Variants in TNFRSF17 observed in about 807,000 individuals in gnomAD.
The protein encoded by TNFRSF17 is TNF receptor superfamily member 17, also known as tumor necrosis factor receptor superfamily member 17.
Under a neutral mutation model 9.9 loss-of-function variants are expected in TNFRSF17, and 13 were observed. The ratio of observed to expected loss-of-function variants is 1.31; its 90% CI spans 0.85 to 2.08. TNFRSF17 has a LOEUF of 2.08. TNFRSF17 is among the 30% of genes most tolerant of loss of function. The probability of loss-of-function intolerance (pLI) is 0.00; values close to 1 mark genes in which losing one functional copy is unlikely to be tolerated. For synonymous variants in TNFRSF17, 99 were observed against 83.7 expected (o/e 1.18, Z -1.00); for missense variants, 305 against 225.8 (o/e 1.35, Z -2.25).
At chr16:11,965,488 T>C (rs747538009) in intron 1 of TNFRSF17, 34 bp downstream of exon 1, 1 of 1,610,380 alleles carries the variant, frequency 6.2e-7, no homozygotes, top group African/African-American at 1.3e-5. Flanking sequence ...TATTCATTGG[T>C]GTGAACTATT....
At position 11,965,283 on chromosome 16, in the gene TNFRSF17, A is replaced by G; in HGVS notation, c.-42A>G. ...TTGTAGAGATATTACTTGTCCTTCC[A>G]GGCTGTTCTTTCTGTAGCTCCCTTG... On this transcript the variant is annotated 5_prime_UTR_variant, in exon 1 of 3. Coordinates refer to ENST00000053243, the MANE Select transcript of TNFRSF17 (RefSeq NM_001192.3). 1 of 1,612,588 alleles carries G rather than the reference A, an allele frequency of 6.2e-7. No individual in the cohort carries two copies. The highest frequency in any genetic ancestry group is 8.5e-7 in the Non-Finnish European group (1 of 1,179,118).
chr16:11,965,444 T>C lies in TNFRSF17; in HGVS notation c.120T>C (p.Tyr40=), dbSNP rs2055185988. The stretch of plus-strand genomic sequence containing the variant: ...CTCCTCCTCTAACATGTCAGCGTTA[T>C]TGTAATGCAAGTAAGTAATATTGCT... The part of the protein sequence containing the change: ...SNTPPLTCQR[Y]CNASVTNSVK... The change falls in exon 1 of 3, where the codon TAT becomes TAC. Residue 40 remains tyrosine, a synonymous_variant. Transcript: ENST00000053243. 5 of 1,614,192 alleles carry C rather than the reference T, an allele frequency of 3.1e-6. No homozygotes were observed. Among genetic ancestry groups the C allele is most frequent in the East Asian group, 2.2e-5 (1 of 44,888 alleles).
At chr16:11,967,499 G>C in intron 2 of TNFRSF17, 71 bp from the exon 3 acceptor site, 1 of 1,476,676 alleles carries the variant, frequency 6.8e-7, no homozygotes, top group Non-Finnish European at 9.3e-7. Flanking sequence ...GTCCCGATGT[G>C]TACTGCTAAG....
chr16:11,967,690 A>C lies in TNFRSF17; in HGVS notation c.398A>C (p.Lys133Thr). 6.2e-7 allele frequency: 1 copy of C among 1,614,224 alleles called. No individual in the cohort carries two copies. Among genetic ancestry groups the C allele is most frequent in the Non-Finnish European group, 8.5e-7 (1 of 1,180,048 alleles). ...GAATGCACCTGTGAAGACTGCATCA[A>C]GAGCAAACCGAAGGTCGACTCTGAC... The part of the protein sequence containing the change: ...VEECTCEDCI[K>T]SKPKVDSDHC... Residue 133 changes from lysine to threonine, a missense_variant, in exon 3 of 3, where the codon AAG (lysine) becomes ACG (threonine). Coordinates refer to ENST00000053243, the MANE Select transcript of TNFRSF17 (RefSeq NM_001192.3).
At chr16:11,967,289 A>C (rs2055201965) in intron 2 of TNFRSF17, 2 of 373,098 alleles carry the variant, frequency 5.4e-6, no homozygotes, top group South Asian at 8.7e-5. Context: ...GGCGTGAGCC[A>C]CAGGGCCCAG....
At chr16:11,966,490 A>G in intron 2 of TNFRSF17, 149 bp downstream of exon 2, 3 of 797,184 alleles carry the variant, frequency 3.8e-6, no homozygotes, top group South Asian at 4.3e-5. Context: ...TGAACTTGGT[A>G]GAGGTGAGCC....
intron 2 of TNFRSF17, chr16:11,967,270 G>A: frequency 3.2e-6 from 1 of 312,066 alleles, no homozygotes; most frequent in Non-Finnish European, 6.0e-6. Flanking sequence ...CCAAAGTGCT[G>A]GGATTACAGG....
chr16:11,967,819 A>T lies in TNFRSF17; in HGVS notation c.527A>T (p.Glu176Val). The change falls in exon 3 of 3, where the codon GAG becomes GTG. Residue 176 changes from glutamate (E) to valine (V), a missense_variant. Coordinates refer to ENST00000053243, the MANE Select transcript of TNFRSF17 (RefSeq NM_001192.3). ...KSLPAALSAT[E>V]IEKSISAR is the part of the protein sequence containing the mutation. Reference sequence around the variant, plus strand: ...CTGCCAGCTGCTTTGAGTGCTACGGAGATAGAGAAATCAATTTCTGCTAGG... The same window carrying T: ...CTGCCAGCTGCTTTGAGTGCTACGGTGATAGAGAAATCAATTTCTGCTAGG... The T allele has an allele frequency of 6.2e-7, 1 of 1,613,982 alleles. No homozygotes were observed. Among genetic ancestry groups the T allele is most frequent in the Non-Finnish European group, 8.5e-7 (1 of 1,179,930 alleles).
intron 1 of TNFRSF17, 51 bp from the exon 2 acceptor site, chr16:11,966,144 G>A: frequency 1.3e-6 from 2 of 1,501,042 alleles, no homozygotes; most frequent in South Asian, 2.5e-5. Flanking sequence ...AATAAAGTAT[G>A]TGAATATTAT....
Position 11,965,386 on chromosome 16 carries a change from G to C in TNFRSF17, c.62G>C (p.Cys21Ser), listed in dbSNP as rs756893990. 7 of 1,614,044 alleles carry C rather than the reference G, an allele frequency of 4.3e-6. No homozygotes were observed. The highest frequency in any genetic ancestry group is 5.1e-6 in the Non-Finnish European group (6 of 1,180,014). The change falls in exon 1 of 3, where the codon TGC becomes TCC. Residue 21 changes from cysteine to serine, a missense_variant. By Grantham distance (112) the Cys-to-Ser change is moderately radical. Transcript: ENST00000053243. ...TATTTTGACAGTTTGTTGCATGCTT[G>C]CATACCTTGTCAACTTCGATGTTCT... is the stretch of plus-strand genomic sequence containing the variant. ...NEYFDSLLHA[C>S]IPCQLRCSSN... is the part of the protein sequence containing the mutation.
chr16:11,966,624 G>C (rs1000713202), intron 2 of TNFRSF17, among the ~76,000 whole-genome samples: 3 of 152,232 alleles, frequency 2.0e-5, no homozygotes, highest in Non-Finnish European at 2.9e-5. Context: ...CAGTCTCTTT[G>C]ACTAAAGTTA....
intron 2 of TNFRSF17, among the ~76,000 whole-genome samples, chr16:11,966,673 C>G (rs1362861876): frequency 3.9e-5 from 6 of 152,140 alleles, no homozygotes; most frequent in Admixed American, 2.0e-4. Flanking sequence ...AAACTCCTAG[C>G]CAGGTCTGCT....
intron 2 of TNFRSF17, 27 bp downstream of exon 2, chr16:11,966,368 TCTATTTCCAGGGGATGG>T (rs776747751): frequency 1.2e-6 from 2 of 1,601,360 alleles, no homozygotes; most frequent in Admixed American, 3.4e-5. Context: ...ATCTTTGAAA[TCTATTTCCAGGGGATGG>T]CTATTGTGAG....
rs1194599430 is a variant in TNFRSF17, at chr16:11,967,754, C to A, written c.462C>A (p.Thr154=). 4 of 1,614,096 alleles carry A rather than the reference C, an allele frequency of 2.5e-6. No individual in the cohort carries two copies. The highest frequency in any genetic ancestry group is 1.6e-4 in the Middle Eastern group (1 of 6,084). The change falls in exon 3 of 3, where the codon ACC becomes ACA. Residue 154 remains threonine, a synonymous_variant. Coordinates refer to ENST00000053243, the MANE Select transcript of TNFRSF17 (RefSeq NM_001192.3). ...FPLPAMEEGA[T]ILVTTKTNDY... ...TCCCAGCTATGGAGGAAGGCGCAACCATTCTTGTCACCACGAAAACGAATG... is the reference window on the plus strand; with the variant it reads ...TCCCAGCTATGGAGGAAGGCGCAACAATTCTTGTCACCACGAAAACGAATG...
intron 1 of TNFRSF17, 88 bp from the exon 2 acceptor site, chr16:11,966,107 T>C (rs2055191398): frequency 4.4e-6 from 6 of 1,377,550 alleles, no homozygotes; most frequent in Non-Finnish European, 5.9e-6. Flanking sequence ...CAAGACTTTG[T>C]CTCAAAATAA....
chr16:11,967,597 T>C lies in TNFRSF17; in HGVS notation c.305T>C (p.Ile102Thr), dbSNP rs143855487. The C allele has an allele frequency of 1.1e-5, 17 of 1,613,814 alleles. No individual in the cohort carries two copies. In the African/African-American group the frequency reaches 1.2e-4, roughly 11 times the overall value. ...TCAGGTCTCCTGGGCATGGCTAACATTGACCTGGAAAAGAGCAGGACTGGT... is the reference window on the plus strand; with the variant it reads ...TCAGGTCTCCTGGGCATGGCTAACACTGACCTGGAAAAGAGCAGGACTGGT... ...TGSGLLGMAN[I>T]DLEKSRTGDE... Residue 102 changes from isoleucine (I) to threonine (T), a missense_variant, in exon 3 of 3, where the codon ATT becomes ACT. Ile to Thr is a moderately conservative substitution (Grantham distance 89). Coordinates refer to ENST00000053243, the MANE Select transcript of TNFRSF17 (RefSeq NM_001192.3).
chr16:11,966,049 T>C (rs892008504), intron 1 of TNFRSF17, 146 bp from the exon 2 acceptor site: 23 of 624,654 alleles, frequency 3.7e-5, no homozygotes, highest in Non-Finnish European at 5.6e-5. Flanking sequence ...AGGTGGAGGT[T>C]GCAGTGAGCC....
At position 11,967,601 on chromosome 16, in the gene TNFRSF17, C is replaced by T. The variant is rs201708971; in HGVS notation, c.309C>T (p.Asp103=). ...GTCTCCTGGGCATGGCTAACATTGA[C>T]CTGGAAAAGAGCAGGACTGGTGATG... ...GSGLLGMANI[D]LEKSRTGDEI... Residue 103 remains aspartate, a synonymous_variant, in exon 3 of 3, where the codon GAC becomes GAT. Transcript: ENST00000053243. The T allele has an allele frequency of 5.0e-6, 8 of 1,613,864 alleles. No homozygotes were observed. In the South Asian group the frequency reaches 7.7e-5, roughly 16 times the overall value.
rs757322532 is a variant in TNFRSF17, at chr16:11,967,605, G to A, written c.313G>A (p.Glu105Lys). 4.3e-6 allele frequency: 7 copies of A among 1,613,864 alleles called. No homozygotes were observed. Among genetic ancestry groups the A allele is most frequent in the Non-Finnish European group, 5.9e-6 (7 of 1,179,882 alleles). Residue 105 changes from glutamate to lysine, a missense_variant, in exon 3 of 3, where the codon GAA becomes AAA. Physicochemically the swap from Glu to Lys is moderately conservative, Grantham distance 56. Coordinates refer to ENST00000053243, the MANE Select transcript of TNFRSF17 (RefSeq NM_001192.3). ...GLLGMANIDL[E>K]KSRTGDEIIL... is the part of the protein sequence containing the mutation. ...CCTGGGCATGGCTAACATTGACCTGGAAAAGAGCAGGACTGGTGATGAAAT... is the reference window on the plus strand; with the variant it reads ...CCTGGGCATGGCTAACATTGACCTGAAAAAGAGCAGGACTGGTGATGAAAT...
Sources: allele counts gnomAD v4.1 joint callset (sites outside exome capture counted in the v4.1 genomes callset), GRCh38; gene constraint gnomAD v4.1.1; transcripts MANE v1.5; gene names NCBI Gene and HGNC (gene_info 2026-07-23, HGNC 2026-07-21).